TPST1: variants seen among roughly 807,000 people sequenced by gnomAD.
TPST1 encodes tyrosylprotein sulfotransferase 1, also known as protein-tyrosine sulfotransferase 1.
TPST1 carries 20 observed loss-of-function variants against 34.8 expected under a neutral mutation model. The observed-to-expected ratio is 0.57, with a 90% CI of 0.40 to 0.84. TPST1 has a LOEUF of 0.84. Among genes scored for constraint, TPST1 ranks in the 40% least tolerant of loss-of-function variants. The pLI is 0.00. For missense variants in TPST1, 353 were observed against 455.5 expected (o/e 0.78, Z 2.05); for synonymous variants, 152 against 159.4 (o/e 0.95, Z 0.35).
At chr7:66,319,634 A>G (rs1791711239) in intron 3 of TPST1, among the ~76,000 whole-genome samples, 2 of 152,176 alleles carry the variant, frequency 1.3e-5, no homozygotes, top group Admixed American at 1.3e-4. Flanking sequence ...TGAGGTTTGA[A>G]AGCTTGAATA....
At chr7:66,222,074 A>G (rs1440051037) in intron 1 of TPST1, among the ~76,000 whole-genome samples, 1 of 152,146 alleles carries the variant, frequency 6.6e-6, no homozygotes, top group Non-Finnish European at 1.5e-5. Flanking sequence ...ATCACTAGTT[A>G]CCTATTCGTC....
chr7:66,293,498 G>A (rs972673619), intron 3 of TPST1, among the ~76,000 whole-genome samples: 9 of 152,072 alleles, frequency 5.9e-5, no homozygotes, highest in East Asian at 3.8e-4. Context: ...GCAAGACCCC[G>A]TCTCAAAATA....
intron 3 of TPST1, among the ~76,000 whole-genome samples, chr7:66,327,322 G>T (rs374262020): frequency 2.0e-5 from 3 of 152,186 alleles, no homozygotes; most frequent in Non-Finnish European, 4.4e-5. Flanking sequence ...AGTTTACAAT[G>T]AGTTTACAGA....
intron 1 of TPST1, among the ~76,000 whole-genome samples, chr7:66,233,985 C>G (rs1056398610): frequency 2.0e-5 from 3 of 152,192 alleles, no homozygotes; most frequent in Non-Finnish European, 2.9e-5. Flanking sequence ...CCTCAGCCTC[C>G]GGAGTAGCTG....
At chr7:66,350,068 T>G (rs758868818) in intron 3 of TPST1, among the ~76,000 whole-genome samples, 1 of 152,030 alleles carries the variant, frequency 6.6e-6, no homozygotes, top group Non-Finnish European at 1.5e-5. Context: ...CAGTCTGGAG[T>G]GCAATGCTGA....
chr7:66,246,885 T>A (rs1322874654), intron 2 of TPST1, among the ~76,000 whole-genome samples: 2 of 152,214 alleles, frequency 1.3e-5, no homozygotes, highest in African/African-American at 4.8e-5. Context: ...GTAGTACTTC[T>A]TGCTTTTCAC....
chr7:66,348,941 T>TC (rs1792411099), intron 3 of TPST1, among the ~76,000 whole-genome samples: 1 of 152,182 alleles, frequency 6.6e-6, no homozygotes, highest in Admixed American at 6.5e-5. Flanking sequence ...GTTTTTTTTT[T>TC]CTTCTTCATA....
chr7:66,209,694 T>C (rs1789205621), intron 1 of TPST1, among the ~76,000 whole-genome samples: 1 of 152,230 alleles, frequency 6.6e-6, no homozygotes, highest in African/African-American at 2.4e-5. Context: ...TCTTCATCTC[T>C]ACTGTCATTT....
intron 1 of TPST1, among the ~76,000 whole-genome samples, chr7:66,213,205 C>T (rs927652295): frequency 6.6e-6 from 1 of 152,166 alleles, no homozygotes; most frequent in Non-Finnish European, 1.5e-5. Context: ...GTTACTGTCT[C>T]ACAGGACGTA....
At chr7:66,302,645 C>A (rs921282122) in intron 3 of TPST1, among the ~76,000 whole-genome samples, 1 of 152,180 alleles carries the variant, frequency 6.6e-6, no homozygotes, top group Admixed American at 6.5e-5. Flanking sequence ...CCCAGACAGG[C>A]AATTGATTCA....
At chr7:66,304,020 G>T (rs147654454) in intron 3 of TPST1, among the ~76,000 whole-genome samples, 233 of 152,262 alleles carry the variant, frequency 1.5e-3, no homozygotes, top group African/African-American at 5.4e-3. Flanking sequence ...CTATGTATCA[G>T]TCTGGGCTCA....
chr7:66,257,015 T>A (rs1790394797), intron 2 of TPST1, among the ~76,000 whole-genome samples: 1 of 152,154 alleles, frequency 6.6e-6, no homozygotes, highest in Non-Finnish European at 1.5e-5. Context: ...GGCGCAGTCA[T>A]GGCTCACTGC....
At chr7:66,333,417 C>T (rs1248803007) in intron 3 of TPST1, among the ~76,000 whole-genome samples, 3 of 152,076 alleles carry the variant, frequency 2.0e-5, no homozygotes, top group Non-Finnish European at 4.4e-5. Flanking sequence ...TGTGGAAGAT[C>T]GAGAAAGTGC....
chr7:66,213,316 T>C (rs1284044018), intron 1 of TPST1, among the ~76,000 whole-genome samples: 2 of 152,238 alleles, frequency 1.3e-5, no homozygotes, highest in Non-Finnish European at 2.9e-5. Context: ...ACCTGTGTTA[T>C]ATTCATTCTG....
intron 3 of TPST1, among the ~76,000 whole-genome samples, chr7:66,336,253 T>A (rs1487120653): frequency 1.3e-5 from 2 of 150,518 alleles, no homozygotes; most frequent in Non-Finnish European, 2.9e-5. Flanking sequence ...GAGCTTGCAG[T>A]GAGCTGAGAT....
At chr7:66,266,255 T>A (rs1313234966) in intron 2 of TPST1, among the ~76,000 whole-genome samples, 1 of 151,804 alleles carries the variant, frequency 6.6e-6, no homozygotes, top group Non-Finnish European at 1.5e-5. Flanking sequence ...CAAGGTGAGA[T>A]CTTTTCACCA....
chr7:66,346,609 C>A (rs1393417627), intron 3 of TPST1, among the ~76,000 whole-genome samples: 1 of 152,114 alleles, frequency 6.6e-6, no homozygotes, highest in Non-Finnish European at 1.5e-5. Context: ...TTTCATATAC[C>A]TGCTTGCCAT....
intron 1 of TPST1, among the ~76,000 whole-genome samples, chr7:66,209,129 C>T (rs148858235): frequency 0.025 from 3,838 of 152,028 alleles, 77 homozygotes; most frequent in Admixed American, 0.04. Context: ...AAAAATTAGC[C>T]GGGCGTGGTG....
At chr7:66,249,033 G>T (rs1053332955) in intron 2 of TPST1, among the ~76,000 whole-genome samples, 4 of 152,020 alleles carry the variant, frequency 2.6e-5, no homozygotes, top group African/African-American at 9.7e-5. Flanking sequence ...GGTAAAGGAG[G>T]TGAAGAATCT....
Sources: gnomAD v4.1 joint callset for allele counts (sites outside exome capture counted in the v4.1 genomes callset) on GRCh38, gnomAD v4.1.1 for gene constraint, MANE v1.5 for transcripts, NCBI Gene and HGNC (gene_info 2026-07-23, HGNC 2026-07-21) for gene names.